The following ZNF843 variants were observed in gnomAD, a reference collection of about 807,000 sequenced individuals.
ZNF843 encodes the protein zinc finger protein 843.
For missense variants in ZNF843, 482 were observed against 469.4 expected (o/e 1.03, Z -0.25); for synonymous variants, 185 against 207.7 (o/e 0.89, Z 0.94).
intron 1 of ZNF843, among the ~76,000 whole-genome samples, chr16:31,441,967 T>C (rs2082202497): frequency 6.6e-6 from 1 of 152,166 alleles, no homozygotes; most frequent in South Asian, 2.1e-4. Context: ...CATGCCTGTG[T>C]GTATGTGGGG....
intron 1 of ZNF843, among the ~76,000 whole-genome samples, 153 bp downstream of exon 1, chr16:31,442,483 G>A (rs2082204944): frequency 6.6e-6 from 1 of 152,120 alleles, no homozygotes; most frequent in African/African-American, 2.4e-5. Context: ...ACCACGCCCG[G>A]CTAATTTTTG....
chr16:31,436,616 A>T lies in ZNF843; in HGVS notation c.234T>A (p.His78Gln), dbSNP rs2082182891. 1.3e-6 allele frequency: 2 copies of T among 1,551,550 alleles called. No individual in the cohort carries two copies. The highest frequency in any genetic ancestry group is 1.7e-6 in the Non-Finnish European group (2 of 1,146,910). The stretch of plus-strand genomic sequence containing the variant: ...TCCCGAGTGGACTCGCTGGTGCTTG[A>T]TGAGGTTGGAGCGGCCACAGCAGGT... ...RQDLLWPLQP[H>Q]QAPASPLGRS... The change falls in exon 2 of 2, where the codon CAT becomes CAA. Residue 78 changes from histidine to glutamine, a missense_variant. Coordinates refer to ENST00000315678, the MANE Select transcript of ZNF843 (RefSeq NM_001136509.3).
At chr16:31,437,468 ATT>A (rs554255057) in intron 1 of ZNF843, among the ~76,000 whole-genome samples, 4,697 of 121,432 alleles carry the variant, frequency 0.039, 256 homozygotes, top group African/African-American at 0.13. Flanking sequence ...TAGGCCCAGC[ATT>A]TTTTTTTTTT....
rs748304548 is a variant in ZNF843 at position 31,436,141 on chromosome 16, G to A, written c.709C>T (p.Leu237Phe). 22 of 1,548,126 alleles carry A rather than the reference G, an allele frequency of 1.4e-5. No homozygotes were observed. The highest frequency in any genetic ancestry group is 2.0e-5 in the Admixed American group (1 of 50,506). The change falls in exon 2 of 2, where the codon CTT (leucine) becomes TTT (phenylalanine). Residue 237 changes from leucine to phenylalanine, a missense_variant. By Grantham distance (22) the Leu-to-Phe change is conservative (BLOSUM62 0). Transcript: ENST00000315678. Reference protein sequence around the residue: ...LSLQPLVPSGLPAVPAVPLGG... With the variant: ...LSLQPLVPSGFPAVPAVPLGG... ...AGAGGCACTGCAGGCACTGCGGGAA[G>A]GCCGGATGGAACCAGAGGCTGGAGA...
At position 31,436,865 on chromosome 16, in the gene ZNF843, G is replaced by A. The variant is rs1219663173; in HGVS notation, c.-16C>T. 6.6e-7 allele frequency: 1 copy of A among 1,512,908 alleles called. No homozygotes were observed. The highest frequency in any genetic ancestry group is 8.9e-7 in the Non-Finnish European group (1 of 1,126,404). The allele number at this position is 1,512,908 out of a possible 1,614,324, so 93.7% of individuals were successfully genotyped here. A position where few individuals can be genotyped will look rare whatever the true frequency, so the allele number is the denominator to read the frequency against. ...GGCTTCTCATGAGCAGGGCTTCGGA[G>A]ATGACCGCTCAGGGAGTAACTGTAC... On this transcript the variant is annotated 5_prime_UTR_variant, in exon 2 of 2. Transcript: ENST00000315678.
intron 1 of ZNF843, among the ~76,000 whole-genome samples, chr16:31,438,082 C>T (rs2082189635): frequency 2.0e-5 from 3 of 152,140 alleles, no homozygotes; most frequent in South Asian, 2.1e-4. Flanking sequence ...CTTTGGGAGG[C>T]TGAGGCCAGA....
rs752157523 is a variant in ZNF843, at chr16:31,435,536, C to T, written c.*267G>A. 6.0e-6 allele frequency: 2 copies of T among 332,348 alleles called. No individual in the cohort carries two copies. Among genetic ancestry groups the T allele is most frequent in the African/African-American group, 4.2e-5 (2 of 47,128 alleles). The allele number at this position is 332,348 out of a possible 1,614,324, so 20.6% of individuals were successfully genotyped here. On this transcript the variant is annotated 3_prime_UTR_variant, in exon 2 of 2. Transcript: ENST00000315678. ...ATTCTTCGGGCTCACGCGATCCTCC[C>T]ACCTCGGTCTCTTAAAGCGCTGGGA...
Position 31,435,884 on chromosome 16 carries a change from C to G in ZNF843, c.966G>C (p.Ser322=). 6.5e-7 allele frequency: 1 copy of G among 1,539,582 alleles called. No individual in the cohort carries two copies. Among genetic ancestry groups the G allele is most frequent in the African/African-American group, 1.4e-5 (1 of 72,824 alleles). The part of the protein sequence containing the change: ...QRQCRAPPPP[S]NPHWRGALPV... The stretch of plus-strand genomic sequence containing the variant: ...GTAGGGCTCCTCTCCAGTGTGGGTT[C>G]GAGGGCGGTGGAGGAGCTCGGCACT... Residue 322 remains serine, a synonymous_variant, in exon 2 of 2, where the codon TCG becomes TCC. Transcript: ENST00000315678.
In ZNF843 at chr16:31,440,529, CATATT is replaced by C. The variant is rs548312651; in HGVS notation, c.-336+2102_-336+2106del. ...ATTTTAATGGCTTTGTTTGAAATACCATATTATATTGTATTCATTTCCTTTATTAT... is the reference window on the plus strand; with the variant it reads ...ATTTTAATGGCTTTGTTTGAAATACCATATTGTATTCATTTCCTTTATTAT... On this transcript the variant is annotated intron_variant, in intron 1 of 1. Transcript: ENST00000315678. Among the ~76,000 whole-genome samples the C allele has an allele frequency of 1.2e-3, 175 of 152,106 alleles. 2 individuals carry two copies. The highest frequency in any genetic ancestry group is 4.1e-3 in the African/African-American group (169 of 41,490).
intron 1 of ZNF843, among the ~76,000 whole-genome samples, chr16:31,442,156 C>A (rs979421050): frequency 2.0e-5 from 3 of 152,204 alleles, no homozygotes; most frequent in Admixed American, 2.0e-4. Flanking sequence ...GGTGTTGGCC[C>A]GCCCCTTCCC....
chr16:31,441,093 G>C (rs368993930), intron 1 of ZNF843, among the ~76,000 whole-genome samples: 1 of 152,190 alleles, frequency 6.6e-6, no homozygotes. Flanking sequence ...TGACACAAGG[G>C]CTGTCAAGCA....
At chr16:31,437,298 T>C (rs1004009212) in intron 1 of ZNF843, 114 bp from the exon 2 acceptor site, 4 of 31,332 alleles carry the variant, frequency 1.3e-4, no homozygotes, top group African/African-American at 3.7e-4. Flanking sequence ...TCTTTCCTTC[T>C]TTTTTTTTTT....
At chr16:31,437,591 C>CTA (rs1486344153) in intron 1 of ZNF843, among the ~76,000 whole-genome samples, 1 of 148,518 alleles carries the variant, frequency 6.7e-6, no homozygotes, top group Non-Finnish European at 1.5e-5. Flanking sequence ...CAAGCATGAG[C>CTA]TACCATGCCC....
Position 31,436,464 on chromosome 16 carries a change from A to T in ZNF843, c.386T>A (p.Val129Glu). Reference sequence around the variant, plus strand: ...ATTCGCTGGTGGCCGATCAGCTTCCACCGGTCCCCAAAAACCTGCTGGTAC... The same window carrying T: ...ATTCGCTGGTGGCCGATCAGCTTCCTCCGGTCCCCAAAAACCTGCTGGTAC... ...SPVPAGFWGP[V>E]EADRPPANSH... Residue 129 changes from valine (V) to glutamate (E), a missense_variant, in exon 2 of 2, where the codon GTG (valine) becomes GAG (glutamate). Coordinates refer to ENST00000315678, the MANE Select transcript of ZNF843 (RefSeq NM_001136509.3). The T allele has an allele frequency of 6.4e-7, 1 of 1,551,626 alleles. No individual in the cohort carries two copies. The highest frequency in any genetic ancestry group is 2.4e-5 in the East Asian group (1 of 40,906).
chr16:31,441,249 C>T (rs2082200248), intron 1 of ZNF843, among the ~76,000 whole-genome samples: 1 of 152,158 alleles, frequency 6.6e-6, no homozygotes, highest in Non-Finnish European at 1.5e-5. Flanking sequence ...CACCCTAGGC[C>T]CTACCTACCT....
intron 1 of ZNF843, among the ~76,000 whole-genome samples, chr16:31,437,666 G>A (rs2082188442): frequency 6.8e-6 from 1 of 147,252 alleles, no homozygotes. Flanking sequence ...TGTCACCCAG[G>A]CTGGAGTGCA....
At chr16:31,442,301 TTTTA>T (rs144027321) in intron 1 of ZNF843, among the ~76,000 whole-genome samples, 98,060 of 149,504 alleles carry the variant, frequency 0.66, 33,105 homozygotes, top group Admixed American at 0.77. Flanking sequence ...CTTCGCTCGA[TTTTA>T]TTTATTTATT....
At position 31,435,666 on chromosome 16, in the gene ZNF843, C is replaced by T; in HGVS notation, c.*137G>A. ...GAAAAAAAACAAACAAAATAGCCCC[C>T]AGCACTTCTGAGAAAGATCTGCCAT... On this transcript the variant is annotated 3_prime_UTR_variant, in exon 2 of 2. Transcript: ENST00000315678. 1 of 804,798 alleles carries T rather than the reference C, an allele frequency of 1.2e-6. No homozygotes were observed. Among genetic ancestry groups the T allele is most frequent in the South Asian group, 2.9e-5 (1 of 34,968 alleles). 49.9% of individuals were successfully genotyped at this position (804,798 alleles called of 1,614,324 possible). A position where few individuals can be genotyped will look rare whatever the true frequency, so the allele number is the denominator to read the frequency against.
intron 1 of ZNF843, among the ~76,000 whole-genome samples, chr16:31,439,089 A>G (rs529347939): frequency 2.0e-5 from 3 of 152,230 alleles, no homozygotes; most frequent in East Asian, 3.9e-4. Context: ...AACATGGCAC[A>G]TGTATACATA....
Sources: gnomAD v4.1 joint callset for allele counts (sites outside exome capture counted in the v4.1 genomes callset) on GRCh38, gnomAD v4.1.1 for gene constraint, MANE v1.5 for transcripts, NCBI Gene and HGNC (gene_info 2026-07-23, HGNC 2026-07-21) for gene names.